The following DNAH8 variants were observed in gnomAD, a reference collection of about 807,000 sequenced individuals.
The protein encoded by DNAH8 is dynein axonemal heavy chain 8.
Under a neutral mutation model 562.1 loss-of-function variants are expected in DNAH8, and 382 were observed. The observed-to-expected ratio is 0.68, with a 90% CI of 0.63 to 0.74. The LOEUF is 0.74. DNAH8 is among the 30% of genes least tolerant of loss of function. The pLI, the probability that DNAH8 is intolerant of heterozygous loss-of-function variation, is 0.00. For missense variants in DNAH8, 5,203 were observed against 5,620.4 expected (o/e 0.93, Z 2.37); for synonymous variants, 1,881 against 1,919.4 (o/e 0.98, Z 0.52).
chr6:38,794,621 G>T (rs961057184), intron 21 of DNAH8, among the ~76,000 whole-genome samples: 1 of 151,968 alleles, frequency 6.6e-6, no homozygotes, highest in Non-Finnish European at 1.5e-5. Flanking sequence ...TATTAGTTTC[G>T]CCTGTTTTTG....
At chr6:38,800,905 C>A (rs919817993) in intron 21 of DNAH8, among the ~76,000 whole-genome samples, 5 of 152,054 alleles carry the variant, frequency 3.3e-5, no homozygotes, top group Non-Finnish European at 7.4e-5. Context: ...GGATATTTGT[C>A]TTTTTATTTT....
chr6:38,909,685 A>G lies in DNAH8; in HGVS notation c.9681A>G (p.Val3227=), dbSNP rs767541036. 7 of 1,614,038 alleles carry G rather than the reference A, an allele frequency of 4.3e-6. No homozygotes were observed. The highest frequency in any genetic ancestry group is 1.7e-6 in the Non-Finnish European group (2 of 1,180,002). ...CTAGTGAAATTAAAAGACAAGTTGTAGAAACAATGGGCCTGTTTCATGACA... is the reference window on the plus strand; with the variant it reads ...CTAGTGAAATTAAAAGACAAGTTGTGGAAACAATGGGCCTGTTTCATGACA... ...VCSSEIKRQV[V]ETMGLFHDMV... Residue 3227 remains valine (V), a synonymous_variant, in exon 65 of 93, where the codon GTA becomes GTG. Transcript: ENST00000327475.
chr6:38,866,987 T>C, intron 47 of DNAH8, 111 bp downstream of exon 47: 1 of 612,480 alleles, frequency 1.6e-6, no homozygotes, highest in Admixed American at 3.1e-5. Context: ...GACTCTTTTC[T>C]AAAATGCTTT....
intron 86 of DNAH8, 46 bp downstream of exon 86, chr6:38,982,508 A>T (rs1372002140): frequency 9.7e-7 from 1 of 1,028,460 alleles, no homozygotes; most frequent in Non-Finnish European, 1.5e-6. Flanking sequence ...GCTCTTCTTA[A>T]ATCAGGGTTC....
intron 76 of DNAH8, among the ~76,000 whole-genome samples, chr6:38,934,928 T>G (rs1051386791): frequency 6.6e-6 from 1 of 152,256 alleles, no homozygotes; most frequent in Non-Finnish European, 1.5e-5. Context: ...GAAGGCTATA[T>G]GAAAGTTCCT....
rs149975455 is a variant in DNAH8, at chr6:38,792,299, A to G, written c.2901+625A>G. ...GATGGGGTTTTGCCATGTTGGCCAG[A>G]CTGGTCTCGAACTCCCGACCTCAGG... is the stretch of plus-strand genomic sequence containing the variant. On this transcript the variant is annotated intron_variant, in intron 21 of 92. Coordinates refer to ENST00000327475, the MANE Select transcript of DNAH8 (RefSeq NM_001206927.2). 5.4e-3 allele frequency among the ~76,000 whole-genome samples: 822 copies of G among 151,966 alleles called. 6 individuals carry two copies. The highest frequency in any genetic ancestry group is 0.015 in the African/African-American group (605 of 41,466).
chr6:38,917,279 C>G lies in DNAH8; in HGVS notation c.10181C>G (p.Ala3394Gly), dbSNP rs1236183510. The stretch of plus-strand genomic sequence containing the variant: ...GATATTGCCACAGTCAGGAAACTTG[C>G]AAAACCACCACATCTTATTATGAGA... The part of the protein sequence containing the change: ...PNDIATVRKL[A>G]KPPHLIMRIM... Residue 3394 changes from alanine (A) to glycine (G), a missense_variant, in exon 69 of 93, where the codon GCA (alanine) becomes GGA (glycine). Around this residue, in one of 6 missense-constraint regions of DNAH8, gnomAD observed 87 missense variants for 144.9 expected, o/e 0.60. Coordinates refer to ENST00000327475, the MANE Select transcript of DNAH8 (RefSeq NM_001206927.2). The G allele has an allele frequency of 1.2e-6, 2 of 1,612,816 alleles. No individual in the cohort carries two copies. Among genetic ancestry groups the G allele is most frequent in the African/African-American group, 2.7e-5 (2 of 74,992 alleles).
chr6:38,732,780 G>A (rs564491175), intron 4 of DNAH8, among the ~76,000 whole-genome samples: 8 of 152,044 alleles, frequency 5.3e-5, no homozygotes, highest in Admixed American at 1.3e-4. Context: ...CCTGGCACTC[G>A]TATCCTCCAG....
At chr6:39,012,659 G>A (rs1766298130) in intron 91 of DNAH8, 22 bp downstream of exon 91, 2 of 1,588,020 alleles carry the variant, frequency 1.3e-6, no homozygotes, top group Non-Finnish European at 1.7e-6. Context: ...TAGGAGATTT[G>A]GCAAGCTTGG....
chr6:38,917,488 C>A, intron 69 of DNAH8, 82 bp downstream of exon 69: 1 of 1,113,326 alleles, frequency 9.0e-7, no homozygotes, highest in Non-Finnish European at 1.3e-6. Flanking sequence ...ACCAGACAAA[C>A]TGGCAGACAA....
chr6:38,913,806 A>G (rs764503069), intron 66 of DNAH8, 43 bp from the exon 67 acceptor site: 1 of 1,350,978 alleles, frequency 7.4e-7, no homozygotes, highest in Admixed American at 1.7e-5. Context: ...ATGAAGGCAT[A>G]TACCTGTACT....
chr6:38,919,440 C>A (rs1214074478), intron 70 of DNAH8, among the ~76,000 whole-genome samples: 1 of 152,016 alleles, frequency 6.6e-6, no homozygotes, highest in Admixed American at 6.6e-5. Context: ...ACAAGGGGCC[C>A]CACATTTTTC....
intron 87 of DNAH8, among the ~76,000 whole-genome samples, chr6:38,989,209 C>T (rs1233941209): frequency 6.6e-6 from 1 of 152,210 alleles, no homozygotes; most frequent in Non-Finnish European, 1.5e-5. Flanking sequence ...CCGAGTAATT[C>T]AGACGTCGTG....
intron 57 of DNAH8, among the ~76,000 whole-genome samples, chr6:38,888,476 A>G (rs1413631939): frequency 6.6e-6 from 1 of 152,222 alleles, no homozygotes; most frequent in Non-Finnish European, 1.5e-5. Flanking sequence ...AAAAAATTTT[A>G]ACACATATAA....
At chr6:38,911,363 A>G (rs768271094) in intron 65 of DNAH8, 105 bp from the exon 66 acceptor site, 45 of 844,954 alleles carry the variant, frequency 5.3e-5, no homozygotes, top group Middle Eastern at 2.2e-4. Flanking sequence ...TCTTCCTGCT[A>G]GTGAATCACT....
chr6:38,796,464 T>TA, intron 21 of DNAH8, among the ~76,000 whole-genome samples: 1 of 152,166 alleles, frequency 6.6e-6, no homozygotes, highest in South Asian at 2.1e-4. Flanking sequence ...CATATTGTCT[T>TA]ATGCCCAATT....
Position 38,790,275 on chromosome 6 carries a change from T to G in DNAH8, c.2665-14T>G. The G allele has an allele frequency of 6.8e-7, 1 of 1,468,720 alleles. No homozygotes were observed. Among genetic ancestry groups the G allele is most frequent in the Non-Finnish European group, 9.5e-7 (1 of 1,051,122 alleles). 91.0% of individuals were successfully genotyped at this position (1,468,720 alleles called of 1,614,324 possible). A position where few individuals can be genotyped will look rare whatever the true frequency, so the allele number is the denominator to read the frequency against. ...TGTTGATAATAGAAGCAGTTGTGTTTTTACCGTTTCTAGGTGGAATCTGTG... is the reference window on the plus strand; with the variant it reads ...TGTTGATAATAGAAGCAGTTGTGTTGTTACCGTTTCTAGGTGGAATCTGTG... On this transcript the variant is annotated splice_polypyrimidine_tract_variant and intron_variant, in intron 19 of 92. Coordinates refer to ENST00000327475, the MANE Select transcript of DNAH8 (RefSeq NM_001206927.2).
chr6:38,883,081 A>T, intron 54 of DNAH8, 29 bp downstream of exon 54: 1 of 1,535,958 alleles, frequency 6.5e-7, no homozygotes, highest in Non-Finnish European at 8.7e-7. Context: ...TCCTTAAATG[A>T]TCACAAACCA....
chr6:38,774,832 T>C (rs1335803025), intron 12 of DNAH8, among the ~76,000 whole-genome samples: 1 of 152,236 alleles, frequency 6.6e-6, no homozygotes, highest in Non-Finnish European at 1.5e-5. Context: ...ATGCGCAGCA[T>C]GCTGTAAATC....
Sources: allele counts gnomAD v4.1 joint callset (sites outside exome capture counted in the v4.1 genomes callset), GRCh38; gene constraint gnomAD v4.1.1; regional missense constraint gnomAD v4.1.1; transcripts MANE v1.5; gene names NCBI Gene and HGNC (gene_info 2026-07-23, HGNC 2026-07-21).